Variants in FOXP2 observed in about 807,000 individuals in gnomAD.
FOXP2 encodes forkhead box protein P2.
A neutral mutation model predicts 115.8 loss-of-function variants in FOXP2; 12 were observed. The ratio of observed to expected loss-of-function variants is 0.10; its 90% CI spans 0.07 to 0.17. The LOEUF (loss-of-function observed/expected upper bound fraction) is 0.17. FOXP2 is among the 10% of genes least tolerant of loss of function. FOXP2 has a pLI of 1.00. For missense variants in FOXP2, 629 were observed against 843.5 expected (o/e 0.75, Z 3.15); for synonymous variants, 328 against 297.7 (o/e 1.10, Z -1.05).
intron 2 of FOXP2, among the ~76,000 whole-genome samples, chr7:114,306,454 T>C (rs1289434840): frequency 6.6e-6 from 1 of 152,116 alleles, no homozygotes; most frequent in Non-Finnish European, 1.5e-5. Context: ...TAATACCTTA[T>C]CCCTTAAGGT....
chr7:114,474,308 G>A (rs1486938407), intron 2 of FOXP2, among the ~76,000 whole-genome samples: 1 of 152,112 alleles, frequency 6.6e-6, no homozygotes, highest in Non-Finnish European at 1.5e-5. Flanking sequence ...GCACTATTTT[G>A]TCTATGTCTT....
chr7:114,127,595 C>T (rs1042368916), intron 1 of FOXP2, among the ~76,000 whole-genome samples: 15 of 151,950 alleles, frequency 9.9e-5, no homozygotes, highest in South Asian at 2.1e-4. Flanking sequence ...TGTAAAGAGA[C>T]GAAGAAGGTA....
intron 10 of FOXP2, among the ~76,000 whole-genome samples, chr7:114,656,088 G>A (rs989843611): frequency 2.8e-4 from 42 of 152,130 alleles, no homozygotes; most frequent in South Asian, 2.1e-4. Flanking sequence ...CAGGATAGCA[G>A]AATAAGTTAC....
intron 1 of FOXP2, among the ~76,000 whole-genome samples, chr7:114,271,326 G>A (rs1056114027): frequency 6.6e-6 from 1 of 150,474 alleles, no homozygotes; most frequent in African/African-American, 2.4e-5. Context: ...TTGAGAAGGA[G>A]TGGTGAGTGG....
intron 3 of FOXP2, among the ~76,000 whole-genome samples, chr7:114,576,149 T>C: frequency 6.6e-6 from 1 of 151,960 alleles, no homozygotes; most frequent in East Asian, 1.9e-4. Context: ...ATAGTGACCA[T>C]GTTTAGGGTT....
At chr7:114,128,977 T>C (rs1238009757) in intron 1 of FOXP2, among the ~76,000 whole-genome samples, 1 of 152,196 alleles carries the variant, frequency 6.6e-6, no homozygotes, top group African/African-American at 2.4e-5. Context: ...AAACACTCTC[T>C]GTGCTTCCTT....
chr7:114,132,841 T>C (rs926213017), intron 1 of FOXP2, among the ~76,000 whole-genome samples: 4 of 152,034 alleles, frequency 2.6e-5, no homozygotes, highest in Non-Finnish European at 5.9e-5. Context: ...GGAGATAGAA[T>C]TGAGGATTCA....
chr7:114,545,959 T>C (rs1185007255), intron 3 of FOXP2, among the ~76,000 whole-genome samples: 2 of 152,200 alleles, frequency 1.3e-5, no homozygotes, highest in Non-Finnish European at 2.9e-5. Flanking sequence ...TCTATTCTTA[T>C]ATGTATCACA....
At chr7:114,334,150 A>G (rs1797782102) in intron 2 of FOXP2, among the ~76,000 whole-genome samples, 1 of 152,150 alleles carries the variant, frequency 6.6e-6, no homozygotes, top group Non-Finnish European at 1.5e-5. Context: ...TTAAATTGAA[A>G]TACCTTGGAT....
chr7:114,121,974 T>C (rs187820738), intron 1 of FOXP2, among the ~76,000 whole-genome samples: 1 of 152,180 alleles, frequency 6.6e-6, no homozygotes, highest in Non-Finnish European at 1.5e-5. Flanking sequence ...TCGGTAGGGG[T>C]ACTGTAGAGG....
At chr7:114,479,805 C>G (rs1287372546) in intron 2 of FOXP2, among the ~76,000 whole-genome samples, 1 of 151,426 alleles carries the variant, frequency 6.6e-6, no homozygotes, top group Non-Finnish European at 1.5e-5. Flanking sequence ...ACACAACTGT[C>G]TTAATATAGG....
chr7:114,217,621 T>C (rs559103383), intron 1 of FOXP2, among the ~76,000 whole-genome samples: 3 of 152,322 alleles, frequency 2.0e-5, no homozygotes, highest in South Asian at 2.1e-4. Context: ...TTTTATGGCA[T>C]TGGGCCAAAC....
intron 1 of FOXP2, among the ~76,000 whole-genome samples, chr7:114,250,645 T>A (rs1737446704): frequency 6.6e-6 from 1 of 152,174 alleles, no homozygotes; most frequent in Non-Finnish European, 1.5e-5. Flanking sequence ...TTCGATGGGA[T>A]TGTTTTTGTT....
At position 114,589,709 on chromosome 7, in the gene FOXP2, A is replaced by G. The variant is rs7794895; in HGVS notation, c.259-38831A>G. Among the ~76,000 whole-genome samples the G allele has an allele frequency of 8.3e-3, 1,271 of 152,258 alleles. 22 individuals are homozygous for G. Among genetic ancestry groups the G allele is most frequent in the African/African-American group, 0.029 (1,208 of 41,536 alleles). On this transcript the variant is annotated intron_variant, in intron 3 of 16. Transcript: ENST00000350908. Reference sequence around the variant, plus strand: ...GAGTAGGTGATTTACCAGCCTGCCCATTCTCAATGGTGGATTTTAATTAAT... The same window carrying G: ...GAGTAGGTGATTTACCAGCCTGCCCGTTCTCAATGGTGGATTTTAATTAAT...
Position 114,167,904 on chromosome 7 carries a change from C to T in FOXP2, c.-102+4816C>T, listed in dbSNP as rs958390010. 6.2e-4 allele frequency among the ~76,000 whole-genome samples: 93 copies of T among 149,632 alleles called. 1 individual carries two copies. The highest frequency in any genetic ancestry group is 2.2e-3 in the African/African-American group (90 of 40,578). On this transcript the variant is annotated intron_variant, in intron 1 of 17. Coordinates refer to the FOXP2 transcript ENST00000634411. ...TGAGCCGAGATTACACCACTGCATT[C>T]CAGCTTGGGTGACAGACCAAGACTC... is the stretch of plus-strand genomic sequence containing the variant.
At chr7:114,445,302 C>A (rs1433728610) in intron 2 of FOXP2, among the ~76,000 whole-genome samples, 1 of 152,060 alleles carries the variant, frequency 6.6e-6, no homozygotes, top group Non-Finnish European at 1.5e-5. Flanking sequence ...GAGTTTGTGC[C>A]TTTTTATTCC....
upstream of FOXP2, among the ~76,000 whole-genome samples, chr7:114,409,932 T>A (rs1793124360): frequency 6.6e-6 from 1 of 152,090 alleles, no homozygotes. Flanking sequence ...CATTACTCAC[T>A]GACTGACTAA....
At chr7:114,678,476 G>C (rs1807893145) in intron 16 of FOXP2, among the ~76,000 whole-genome samples, 1 of 146,310 alleles carries the variant, frequency 6.8e-6, no homozygotes, top group Non-Finnish European at 1.5e-5. Context: ...ACCCTCAAGG[G>C]TATATGTTAC....
intron 1 of FOXP2, among the ~76,000 whole-genome samples, chr7:114,111,549 T>C (rs1791267748): frequency 6.6e-6 from 1 of 152,148 alleles, no homozygotes; most frequent in Non-Finnish European, 1.5e-5. Flanking sequence ...AGGGAACTTA[T>C]CCAGCTACAG....
Sources: gnomAD v4.1 joint callset for allele counts (sites outside exome capture counted in the v4.1 genomes callset) on GRCh38, gnomAD v4.1.1 for gene constraint, MANE v1.5 for transcripts, NCBI Gene and HGNC (gene_info 2026-07-23, HGNC 2026-07-21) for gene names.